Variants in MTF1 observed in about 807,000 individuals in gnomAD.
The protein encoded by MTF1 is metal regulatory transcription factor 1.
A neutral mutation model predicts 70.4 loss-of-function variants in MTF1; 22 were observed. The ratio of observed to expected loss-of-function variants is 0.31; its 90% confidence interval spans 0.22 to 0.45. The LOEUF is 0.45. Ranked by LOEUF, MTF1 falls within the 20% of genes least tolerant of loss-of-function variation. The pLI, the probability that MTF1 is intolerant of heterozygous loss-of-function variation, is 1.00. For synonymous variants in MTF1, 333 were observed against 352.8 expected (o/e 0.94, Z 0.63); for missense variants, 649 against 922.0 (o/e 0.70, Z 3.83).
Position 37,840,450 on chromosome 1 carries a change from A to T in MTF1, c.409-292T>A. On this transcript the variant is annotated intron_variant, in intron 2 of 10. Coordinates refer to ENST00000373036, the MANE Select transcript of MTF1 (RefSeq NM_005955.3). This position sits in a 1 kb window ranked among gnomAD's most constrained non-coding sequence, Gnocchi z 4.5. ...ATATACATCTACCCACTAAAAGTAC[A>T]CTATACTGTTACAGCTACCTGTATT... 1 of 513,876 alleles carries T rather than the reference A, an allele frequency of 1.9e-6. No homozygotes were observed. Among genetic ancestry groups the T allele is most frequent in the Non-Finnish European group, 3.8e-6 (1 of 266,322 alleles). 31.8% of individuals were successfully genotyped at this position (513,876 alleles called of 1,614,324 possible).
rs1405602554 is a variant in MTF1, at chr1:37,832,287, G to A, written c.1026C>T (p.Ser342=). 6.2e-7 allele frequency: 1 copy of A among 1,613,268 alleles called. No homozygotes were observed. Among genetic ancestry groups the A allele is most frequent in the African/African-American group, 1.3e-5 (1 of 74,900 alleles). The change falls in exon 7 of 11, where the codon AGC becomes AGT. Residue 342 remains serine, a synonymous_variant. Coordinates refer to ENST00000373036, the MANE Select transcript of MTF1 (RefSeq NM_005955.3). The stretch of plus-strand genomic sequence containing the variant: ...GCAATTCAGAATCTGTGGACAGAAG[G>A]CTCAAGTCACTTAGACAAAGTGAGT... The part of the protein sequence containing the change: ...TNHSLCLSDL[S]LLSTDSELRE...
intron 1 of MTF1, among the ~76,000 whole-genome samples, chr1:37,858,992 G>T (rs1641550028): frequency 6.6e-6 from 1 of 152,184 alleles, no homozygotes; most frequent in African/African-American, 2.4e-5. Context: ...TTAGTGGGAT[G>T]GCTAGACAGT....
At chr1:37,859,447 T>C (rs1274780228) in intron 1 of MTF1, 84 bp downstream of exon 1, 3 of 398,432 alleles carry the variant, frequency 7.5e-6, no homozygotes, top group Admixed American at 4.4e-5. Context: ...GAGGTCTCTA[T>C]TGGGAAATGC....
chr1:37,838,518 C>A, intron 4 of MTF1, 107 bp downstream of exon 4: 1 of 945,578 alleles, frequency 1.1e-6, no homozygotes. Context: ...ACTGCTAAAT[C>A]AAGAGCTAGT....
intron 10 of MTF1, among the ~76,000 whole-genome samples, chr1:37,816,674 CAAAA>C (rs35764920): frequency 3.1e-5 from 3 of 96,052 alleles, no homozygotes; most frequent in African/African-American, 4.7e-5. Flanking sequence ...GACTCCATCT[CAAAA>C]AAAAAAAAAA....
In MTF1 at chr1:37,815,090, C is replaced by A; in HGVS notation, c.*46G>T. ...ATGATGGCAGGCATTGTACCTCATG[C>A]CTCCTGCTCACCCGCTTTTCCCAGA... is the stretch of plus-strand genomic sequence containing the variant. On this transcript the variant is annotated 3_prime_UTR_variant, in exon 11 of 11. Transcript: ENST00000373036. This position sits in a 1 kb window ranked among gnomAD's most constrained non-coding sequence, Gnocchi z 4.5. 1 of 1,539,834 alleles carries A rather than the reference C, an allele frequency of 6.5e-7. No homozygotes were observed. The highest frequency in any genetic ancestry group is 8.9e-7 in the Non-Finnish European group (1 of 1,121,474).
intron 4 of MTF1, among the ~76,000 whole-genome samples, chr1:37,838,366 G>C (rs754762474): frequency 2.0e-5 from 3 of 152,150 alleles, no homozygotes; most frequent in Non-Finnish European, 4.4e-5. Flanking sequence ...ACATAACTGA[G>C]TTTCAACAAA....
intron 4 of MTF1, among the ~76,000 whole-genome samples, chr1:37,836,138 C>T (rs1641166472): frequency 6.6e-6 from 1 of 152,042 alleles, no homozygotes; most frequent in Non-Finnish European, 1.5e-5. Context: ...AACAAATATT[C>T]AGAACACTAA....
chr1:37,833,824 GAGA>G (rs1168881063), intron 6 of MTF1, among the ~76,000 whole-genome samples: 2 of 151,912 alleles, frequency 1.3e-5, no homozygotes, highest in African/African-American at 4.8e-5. Context: ...CACATATCTA[GAGA>G]AGATGTTCCA....
At chr1:37,854,791 G>T (rs928695661) in intron 2 of MTF1, among the ~76,000 whole-genome samples, 3 of 152,204 alleles carry the variant, frequency 2.0e-5, no homozygotes, top group Admixed American at 6.5e-5. Flanking sequence ...CGGGCGCGGT[G>T]GCTCATGCCT....
At chr1:37,859,089 C>T (rs1311445946) in intron 1 of MTF1, among the ~76,000 whole-genome samples, 1 of 152,220 alleles carries the variant, frequency 6.6e-6, no homozygotes, top group Non-Finnish European at 1.5e-5. Flanking sequence ...ATGTACATTT[C>T]GCTGCATCTG....
intron 7 of MTF1, among the ~76,000 whole-genome samples, chr1:37,824,751 GTAA>G (rs1372121184): frequency 6.6e-6 from 1 of 152,124 alleles, no homozygotes; most frequent in East Asian, 1.9e-4. Context: ...CTTTCCTCAT[GTAA>G]TAATAACATT....
At position 37,811,814 on chromosome 1, in the gene MTF1, C is replaced by G. The variant is rs1185437629; in HGVS notation, c.*3322G>C. Reference sequence around the variant, plus strand: ...CCCCTCCTGGGCTTTGTACCATGATCTCCTTCTAAACGGAGGTGGAATTCA... The same window carrying G: ...CCCCTCCTGGGCTTTGTACCATGATGTCCTTCTAAACGGAGGTGGAATTCA... On this transcript the variant is annotated 3_prime_UTR_variant, in exon 11 of 11. Transcript: ENST00000373036. 1 of 152,614 alleles carries G rather than the reference C, an allele frequency of 6.6e-6. No homozygotes were observed. Among genetic ancestry groups the G allele is most frequent in the Non-Finnish European group, 1.5e-5 (1 of 68,058 alleles). 9.5% of individuals were successfully genotyped at this position (152,614 alleles called of 1,614,324 possible). A position where few individuals can be genotyped will look rare whatever the true frequency, so the allele number is the denominator to read the frequency against.
intron 7 of MTF1, among the ~76,000 whole-genome samples, chr1:37,828,557 A>G (rs1410118463): frequency 6.6e-6 from 1 of 152,150 alleles, no homozygotes; most frequent in African/African-American, 2.4e-5. Context: ...CGCCTACCTC[A>G]GCCTCCCAAA....
At chr1:37,850,144 G>A (rs1043523934) in intron 2 of MTF1, among the ~76,000 whole-genome samples, 1 of 151,170 alleles carries the variant, frequency 6.6e-6, no homozygotes. Context: ...AGGCTGAGGT[G>A]GCAGGACGGC....
chr1:37,815,823 G>C lies in MTF1; in HGVS notation c.1832-257C>G, dbSNP rs1243280624. Reference sequence around the variant, plus strand: ...GATCTAGATGCACCCTGTATTTCCAGCTTCATTTCCAGTCATTCTCCATTG... The same window carrying C: ...GATCTAGATGCACCCTGTATTTCCACCTTCATTTCCAGTCATTCTCCATTG... On this transcript the variant is annotated intron_variant, in intron 10 of 10. Coordinates refer to ENST00000373036, the MANE Select transcript of MTF1 (RefSeq NM_005955.3). This position sits in a 1 kb window ranked among gnomAD's most constrained non-coding sequence, Gnocchi z 4.5. Among the ~76,000 whole-genome samples, 1 of 152,138 alleles carries C rather than the reference G, an allele frequency of 6.6e-6. No individual in the cohort carries two copies. The highest frequency in any genetic ancestry group is 1.9e-4 in the East Asian group (1 of 5,188).
chr1:37,835,033 T>C (rs1641144654), intron 6 of MTF1, 46 bp downstream of exon 6: 2 of 1,598,462 alleles, frequency 1.3e-6, no homozygotes, highest in East Asian at 2.2e-5. Flanking sequence ...CAAACAACTG[T>C]TGAAGTTCTA....
intron 3 of MTF1, 79 bp downstream of exon 3, chr1:37,839,841 C>T (rs1045833560): frequency 1.3e-5 from 15 of 1,148,496 alleles, no homozygotes; most frequent in Non-Finnish European, 1.8e-5. Flanking sequence ...GAAAACAACT[C>T]CTCTGCAAGG....
At chr1:37,832,453 A>G in intron 6 of MTF1, 131 bp from the exon 7 acceptor site, 1 of 616,626 alleles carries the variant, frequency 1.6e-6, no homozygotes, top group Admixed American at 3.1e-5. Context: ...AAGAAGTATA[A>G]GCCAACCAAA....
Sources: allele counts gnomAD v4.1 joint callset (sites outside exome capture counted in the v4.1 genomes callset), GRCh38; gene constraint gnomAD v4.1.1; non-coding constraint Gnocchi (gnomAD v3.1); transcripts MANE v1.5; gene names NCBI Gene and HGNC (gene_info 2026-07-23, HGNC 2026-07-21).